B3GLCT: variants seen among roughly 807,000 people sequenced by gnomAD.
The protein encoded by B3GLCT is beta 3-glucosyltransferase, also known as beta-1,3-glucosyltransferase.
Under a neutral mutation model 63.4 loss-of-function variants are expected in B3GLCT, and 65 were observed. The observed-to-expected ratio is 1.03, with a 90% CI of 0.84 to 1.26. B3GLCT has a LOEUF of 1.26. Among genes scored for constraint, B3GLCT ranks in the 50% most tolerant of loss-of-function variants. The pLI, the probability that B3GLCT is intolerant of heterozygous loss-of-function variation, is 0.00. For synonymous variants in B3GLCT, 233 were observed against 219.2 expected (o/e 1.06, Z -0.55); for missense variants, 577 against 604.8 (o/e 0.95, Z 0.48).
Position 31,284,724 on chromosome 13 carries a change from T to C in B3GLCT, c.927T>C (p.Ile309=). 1 of 1,607,926 alleles carries C rather than the reference T, an allele frequency of 6.2e-7. No homozygotes were observed. The highest frequency in any genetic ancestry group is 1.1e-5 in the South Asian group (1 of 90,946). ...ATAGTGACTATACTGAAAATTCCAT[T>C]CCTACTGTGGATTTGGGAATTCCTA... ...EYYSDYTENS[I]PTVDLGIPNT... The change falls in exon 11 of 15, where the codon ATT becomes ATC. Residue 309 remains isoleucine (I), a synonymous_variant. Coordinates refer to ENST00000343307, the MANE Select transcript of B3GLCT (RefSeq NM_194318.4).
At chr13:31,245,673 C>T (rs1284675553) in intron 4 of B3GLCT, among the ~76,000 whole-genome samples, 1 of 152,150 alleles carries the variant, frequency 6.6e-6, no homozygotes, top group Non-Finnish European at 1.5e-5. Flanking sequence ...GTCTAGCTCA[C>T]ATTTGCATTT....
rs552828759 is a variant in B3GLCT at position 31,268,683 on chromosome 13, T to C, written c.597-531T>C. 9.2e-4 allele frequency among the ~76,000 whole-genome samples: 140 copies of C among 152,186 alleles called. 1 individual carries two copies. The highest frequency in any genetic ancestry group is 3.2e-3 in the African/African-American group (134 of 41,518). On this transcript the variant is annotated intron_variant, in intron 7 of 14. Coordinates refer to ENST00000343307, the MANE Select transcript of B3GLCT (RefSeq NM_194318.4). ...ATGCTAGAGATGGTCAGGGGAATGGTAGGGCCCTCAAGACTGGCTCAGGAG... is the reference window on the plus strand; with the variant it reads ...ATGCTAGAGATGGTCAGGGGAATGGCAGGGCCCTCAAGACTGGCTCAGGAG...
chr13:31,271,744 T>A (rs1319738842), intron 8 of B3GLCT, among the ~76,000 whole-genome samples: 1 of 152,240 alleles, frequency 6.6e-6, no homozygotes, highest in Non-Finnish European at 1.5e-5. Context: ...ATCCTTCATT[T>A]TACTTTTGTT....
chr13:31,208,077 A>G (rs1869051189), intron 1 of B3GLCT, among the ~76,000 whole-genome samples: 1 of 151,368 alleles, frequency 6.6e-6, no homozygotes, highest in Non-Finnish European at 1.5e-5. Flanking sequence ...AGGTTTGAGT[A>G]TACTTTGTCT....
At chr13:31,248,490 G>A (rs996744617) in intron 6 of B3GLCT, among the ~76,000 whole-genome samples, 1 of 152,184 alleles carries the variant, frequency 6.6e-6, no homozygotes, top group African/African-American at 2.4e-5. Flanking sequence ...AGGAAGACTA[G>A]GGTGCTGTTA....
intron 12 of B3GLCT, among the ~76,000 whole-genome samples, chr13:31,293,440 C>A (rs1290909361): frequency 6.6e-6 from 1 of 152,076 alleles, no homozygotes; most frequent in Non-Finnish European, 1.5e-5. Context: ...GAGTCTAAGT[C>A]TCTTTGTAGG....
At chr13:31,311,771 G>A (rs1395067514) in intron 12 of B3GLCT, 2 of 152,158 alleles carry the variant, frequency 1.3e-5, no homozygotes, top group Admixed American at 1.3e-4. Context: ...AAAGCCATGA[G>A]CTACATGGAG....
At chr13:31,211,854 TAAAGA>T (rs1869276081) in intron 1 of B3GLCT, among the ~76,000 whole-genome samples, 1 of 152,222 alleles carries the variant, frequency 6.6e-6, no homozygotes, top group East Asian at 1.9e-4. Context: ...CAGTACCAAA[TAAAGA>T]TACCTTCCCT....
rs760500105 is a variant in B3GLCT at position 31,276,735 on chromosome 13, G to A, written c.814G>A (p.Ala272Thr). 6.2e-7 allele frequency: 1 copy of A among 1,613,064 alleles called. No individual in the cohort carries two copies. Among genetic ancestry groups the A allele is most frequent in the South Asian group, 1.1e-5 (1 of 91,060 alleles). The change falls in exon 10 of 15, where the codon GCA becomes ACA. Residue 272 changes from alanine (A) to threonine (T), a missense_variant. Coordinates refer to ENST00000343307, the MANE Select transcript of B3GLCT (RefSeq NM_194318.4). ...KPVKKKDIFV[A>T]VKTCKKFHGD... ...AGTGAAGAAGAAGGATATTTTTGTT[G>A]CAGTAAAAACATGCAAGAAATTTCA... is the stretch of plus-strand genomic sequence containing the variant.
intron 4 of B3GLCT, among the ~76,000 whole-genome samples, chr13:31,246,342 CTT>C (rs1386068596): frequency 6.6e-6 from 1 of 152,140 alleles, no homozygotes; most frequent in Non-Finnish European, 1.5e-5. Context: ...ATTAATCTCT[CTT>C]TATATATGTA....
chr13:31,236,483 A>C (rs1870652248), intron 4 of B3GLCT, among the ~76,000 whole-genome samples: 1 of 152,210 alleles, frequency 6.6e-6, no homozygotes, highest in Admixed American at 6.5e-5. Context: ...CACCCCCAGC[A>C]TTTAATTTCT....
intron 2 of B3GLCT, among the ~76,000 whole-genome samples, chr13:31,218,827 G>A (rs1869683693): frequency 1.3e-5 from 2 of 152,124 alleles, no homozygotes; most frequent in Admixed American, 1.3e-4. Context: ...TGTTAGCTAT[G>A]GGTTTGTCAT....
chr13:31,293,846 A>G (rs1873802295), intron 12 of B3GLCT, among the ~76,000 whole-genome samples: 1 of 152,220 alleles, frequency 6.6e-6, no homozygotes, highest in Non-Finnish European at 1.5e-5. Flanking sequence ...TGATTCTGTC[A>G]TTATGATGCT....
chr13:31,242,133 A>G (rs1195388764), intron 4 of B3GLCT, among the ~76,000 whole-genome samples: 1 of 152,118 alleles, frequency 6.6e-6, no homozygotes, highest in Non-Finnish European at 1.5e-5. Context: ...AGTCAGTCCT[A>G]TACCTCAGTT....
At chr13:31,209,917 A>G (rs1869170963) in intron 1 of B3GLCT, among the ~76,000 whole-genome samples, 1 of 152,224 alleles carries the variant, frequency 6.6e-6, no homozygotes, top group South Asian at 2.1e-4. Flanking sequence ...GACAAAATCA[A>G]GTTAGGAGGT....
chr13:31,226,907 G>A (rs1870131651), intron 3 of B3GLCT, among the ~76,000 whole-genome samples: 2 of 152,090 alleles, frequency 1.3e-5, no homozygotes, highest in South Asian at 4.1e-4. Context: ...CATTAACACA[G>A]CTGAAACCTT....
At chr13:31,249,383 A>C (rs887920240) in intron 6 of B3GLCT, among the ~76,000 whole-genome samples, 5 of 151,206 alleles carry the variant, frequency 3.3e-5, no homozygotes, top group Admixed American at 1.3e-4. Flanking sequence ...TGTCTCATCC[A>C]GTCTTTTCAG....
chr13:31,279,742 C>T (rs559671940), intron 10 of B3GLCT, among the ~76,000 whole-genome samples: 26 of 152,230 alleles, frequency 1.7e-4, no homozygotes, highest in African/African-American at 3.4e-4. Flanking sequence ...AAATTTATTA[C>T]GCAGGAATTT....
chr13:31,329,075 A>G (rs113212866), intron 14 of B3GLCT, among the ~76,000 whole-genome samples: 121 of 152,310 alleles, frequency 7.9e-4, no homozygotes, highest in African/African-American at 2.8e-3. Context: ...TAGAGAGGCC[A>G]AGGGAAATCT....
Sources: gnomAD v4.1 joint callset for allele counts (sites outside exome capture counted in the v4.1 genomes callset) on GRCh38, gnomAD v4.1.1 for gene constraint, MANE v1.5 for transcripts, NCBI Gene and HGNC (gene_info 2026-07-23, HGNC 2026-07-21) for gene names.